The following ANP32B variants were observed in gnomAD, a reference collection of about 807,000 sequenced individuals.
The protein encoded by ANP32B is acidic nuclear phosphoprotein 32 family member B, also known as acidic leucine-rich nuclear phosphoprotein 32 family member B.
ANP32B carries 6 observed loss-of-function variants against 32.2 expected under a neutral mutation model. The observed-to-expected ratio is 0.19, with a 90% CI of 0.10 to 0.37. The LOEUF (loss-of-function observed/expected upper bound fraction) is 0.37. Among genes scored for constraint, ANP32B ranks in the 10% least tolerant of loss-of-function variants. ANP32B has a pLI of 1.00. For synonymous variants in ANP32B, 98 were observed against 105.8 expected (o/e 0.93, Z 0.45); for missense variants, 204 against 289.2 (o/e 0.71, Z 2.14).
intron 4 of ANP32B, among the ~76,000 whole-genome samples, 169 bp from the exon 5 acceptor site, chr9:98,011,102 G>A (rs999645053): frequency 1.3e-5 from 2 of 152,110 alleles, no homozygotes; most frequent in African/African-American, 4.8e-5. Flanking sequence ...CTGATTTTAT[G>A]GGACTCTATC....
At position 97,998,687 on chromosome 9, in the gene ANP32B, C is replaced by CT. The variant is rs761968017; in HGVS notation, c.327+10dup. The CT allele has an allele frequency of 3.9e-6, 6 of 1,539,318 alleles. No homozygotes were observed. In the East Asian group the frequency reaches 7.7e-5, roughly 20 times the overall value. The stretch of plus-strand genomic sequence containing the variant: ...GCACCTTGGAACCTTTGGTAAGTAA[C>CT]TGAGAATTTGGAAACTGGAACTTAC... On this transcript the variant is annotated intron_variant, in intron 3 of 6. Coordinates refer to ENST00000339399, the MANE Select transcript of ANP32B (RefSeq NM_006401.3).
chr9:98,002,403 G>A (rs1182159361), intron 3 of ANP32B: 1 of 152,038 alleles, frequency 6.6e-6, no homozygotes, highest in African/African-American at 2.4e-5. Context: ...CAAAATTATT[G>A]TTAATAAAAT....
At chr9:97,986,234 C>A (rs1014666489) in intron 1 of ANP32B, among the ~76,000 whole-genome samples, 2 of 152,256 alleles carry the variant, frequency 1.3e-5, no homozygotes, top group Non-Finnish European at 2.9e-5. Flanking sequence ...TTCAAGTGCT[C>A]AGACGTGACA....
chr9:97,990,814 CTTTTTTTTTTTTTTT>C (rs34489949), intron 1 of ANP32B, among the ~76,000 whole-genome samples: 3 of 98,870 alleles, frequency 3.0e-5, no homozygotes, highest in African/African-American at 1.2e-4. Flanking sequence ...ACAGTTGAAC[CTTTTTTTTTTTTTTT>C]TTTTTTTTGA....
chr9:98,011,416 T>C (rs1828183730), intron 5 of ANP32B, 27 bp downstream of exon 5: 3 of 1,567,324 alleles, frequency 1.9e-6, no homozygotes, highest in African/African-American at 1.4e-5. Flanking sequence ...TCTACCCTGC[T>C]TCCTATTTGT....
intron 1 of ANP32B, among the ~76,000 whole-genome samples, chr9:97,985,179 G>A (rs1827696500): frequency 1.3e-5 from 2 of 151,870 alleles, no homozygotes; most frequent in African/African-American, 4.8e-5. Flanking sequence ...GACCCGCTCT[G>A]GGCTAAGCGA....
At chr9:97,989,264 A>G (rs1827786455) in intron 1 of ANP32B, among the ~76,000 whole-genome samples, 1 of 152,312 alleles carries the variant, frequency 6.6e-6, no homozygotes, top group South Asian at 2.1e-4. Context: ...CTGAAAAGGT[A>G]TTTGGCTGCA....
chr9:97,997,403 A>G (rs1303450760), intron 2 of ANP32B, among the ~76,000 whole-genome samples: 1 of 152,226 alleles, frequency 6.6e-6, no homozygotes, highest in Admixed American at 6.5e-5. Context: ...TCTGCATCAT[A>G]TAGTACATTT....
chr9:97,984,772 T>G (rs924792196), intron 1 of ANP32B: 2 of 149,238 alleles, frequency 1.3e-5, no homozygotes, highest in African/African-American at 2.5e-5. Flanking sequence ...ACTCATCCCG[T>G]CGCGGGCGCG....
At chr9:98,012,497 T>TG in intron 6 of ANP32B, 25 bp downstream of exon 6, 1 of 1,607,086 alleles carries the variant, frequency 6.2e-7, no homozygotes, top group Non-Finnish European at 8.5e-7. Context: ...TGCATTTTGA[T>TG]CATTCTCAGT....
chr9:97,996,679 C>T (rs1190903887), intron 2 of ANP32B, among the ~76,000 whole-genome samples: 4 of 152,104 alleles, frequency 2.6e-5, no homozygotes, highest in Admixed American at 1.3e-4. Context: ...CTGCAACCTC[C>T]GCCTCCCAGG....
intron 3 of ANP32B, among the ~76,000 whole-genome samples, chr9:98,000,575 C>G (rs1207045729): frequency 6.6e-6 from 1 of 152,044 alleles, no homozygotes; most frequent in Non-Finnish European, 1.5e-5. Flanking sequence ...GATGAGGAAG[C>G]TGAGTTTAGA....
chr9:98,007,101 C>A (rs1828099298), intron 4 of ANP32B, among the ~76,000 whole-genome samples: 1 of 152,084 alleles, frequency 6.6e-6, no homozygotes, highest in Admixed American at 6.5e-5. Context: ...ACGTGAAAAA[C>A]AGAGGCAATT....
chr9:97,985,324 C>G, intron 1 of ANP32B, among the ~76,000 whole-genome samples: 1 of 151,914 alleles, frequency 6.6e-6, no homozygotes. Context: ...ACCACTAACG[C>G]GGGGCGGGCC....
At chr9:97,993,634 T>C (rs1485437505) in intron 1 of ANP32B, among the ~76,000 whole-genome samples, 1 of 152,170 alleles carries the variant, frequency 6.6e-6, no homozygotes, top group Non-Finnish European at 1.5e-5. Flanking sequence ...GTTCAAATCA[T>C]CAGATGTGAT....
Position 97,994,803 on chromosome 9 carries a change from T to G in ANP32B, c.204+23T>G, listed in dbSNP as rs375200191. 5 of 1,570,084 alleles carry G rather than the reference T, an allele frequency of 3.2e-6. No homozygotes were observed. The African/African-American group carries it at 6.9e-5, about 22-fold the overall frequency. Reference sequence around the variant, plus strand: ...AAGGTAAGTGCTTTTTCTTTAACAGTAAAAGAGAACGATCCTGGGAAGGGA... The same window carrying G: ...AAGGTAAGTGCTTTTTCTTTAACAGGAAAAGAGAACGATCCTGGGAAGGGA... On this transcript the variant is annotated intron_variant, in intron 2 of 6. Coordinates refer to ENST00000339399, the MANE Select transcript of ANP32B (RefSeq NM_006401.3).
intron 1 of ANP32B, chr9:97,984,604 T>A (rs1169126965): frequency 6.6e-6 from 1 of 150,584 alleles, no homozygotes; most frequent in East Asian, 2.0e-4. Context: ...CCCGTCTCCC[T>A]GCGCCTGGTG....
At chr9:98,004,276 G>A (rs944794032) in intron 3 of ANP32B, among the ~76,000 whole-genome samples, 1 of 152,114 alleles carries the variant, frequency 6.6e-6, no homozygotes, top group African/African-American at 2.4e-5. Flanking sequence ...AATAAAATCA[G>A]AAGAACTTTA....
At position 97,998,545 on chromosome 9, in the gene ANP32B, T is replaced by G. The variant is rs774376504; in HGVS notation, c.205-11T>G. 4 of 1,601,224 alleles carry G rather than the reference T, an allele frequency of 2.5e-6. No individual in the cohort carries two copies. In the East Asian group the frequency reaches 9.0e-5, roughly 36 times the overall value. On this transcript the variant is annotated splice_polypyrimidine_tract_variant and intron_variant, in intron 2 of 6. Coordinates refer to ENST00000339399, the MANE Select transcript of ANP32B (RefSeq NM_006401.3). ...TATTTGTGTTTGTGTTGTGTCCATT[T>G]TCTCTTGCAGCTTGAACTCAGTGAA...
Sources: allele counts gnomAD v4.1 joint callset (sites outside exome capture counted in the v4.1 genomes callset), GRCh38; gene constraint gnomAD v4.1.1; transcripts MANE v1.5; gene names NCBI Gene and HGNC (gene_info 2026-07-23, HGNC 2026-07-21).